Variants in PLCB1 observed in about 807,000 individuals in gnomAD.
The protein encoded by PLCB1 is phospholipase C beta 1.
Under a neutral mutation model 161.8 loss-of-function variants are expected in PLCB1, and 46 were observed. That is an observed-to-expected ratio of 0.28 (90% confidence interval 0.22 to 0.36). The LOEUF (loss-of-function observed/expected upper bound fraction) is 0.36. Ranked by LOEUF, PLCB1 falls within the 10% of genes least tolerant of loss-of-function variation. The pLI is 1.00. For missense variants in PLCB1, 1,016 were observed against 1,472.5 expected, an observed-to-expected ratio of 0.69 and a Z score of 5.07; for synonymous variants, 517 against 503.7, an observed-to-expected ratio of 1.03 and a Z score of -0.35.
chr20:8,808,659 A>G (rs1984661983), intron 31 of PLCB1, among the ~76,000 whole-genome samples: 1 of 152,234 alleles, frequency 6.6e-6, no homozygotes, highest in Admixed American at 6.5e-5. Flanking sequence ...TTGCATAGTG[A>G]TAGATAACAT....
chr20:8,783,524 CAG>C (rs1041759409), intron 27 of PLCB1, among the ~76,000 whole-genome samples: 65 of 152,284 alleles, frequency 4.3e-4, no homozygotes, highest in Middle Eastern at 3.4e-3. Flanking sequence ...AGAGATTAAG[CAG>C]AGTTGTTTTA....
rs79103254 is a variant in PLCB1, at chr20:8,854,890, A to G, written c.3424-26732A>G. 3.0e-3 allele frequency among the ~76,000 whole-genome samples: 462 copies of G among 152,366 alleles called. 3 individuals are homozygous for G. The highest frequency in any genetic ancestry group is 1.0e-2 in the African/African-American group (414 of 41,586). On this transcript the variant is annotated intron_variant, in intron 31 of 31. Coordinates refer to ENST00000338037, the MANE Select transcript of PLCB1 (RefSeq NM_015192.4). ...CGTGCTTCAGCTTAATTTTCCTTGCATAATTTTAAATACAGATCATGTCTA... is the reference window on the plus strand; with the variant it reads ...CGTGCTTCAGCTTAATTTTCCTTGCGTAATTTTAAATACAGATCATGTCTA...
At chr20:8,174,039 G>A (rs1032200510) in intron 2 of PLCB1, among the ~76,000 whole-genome samples, 1 of 152,172 alleles carries the variant, frequency 6.6e-6, no homozygotes, top group South Asian at 2.1e-4. Context: ...TATCACTGGA[G>A]TTGCAGAAGA....
At chr20:8,139,033 T>C (rs1211101372) in intron 1 of PLCB1, among the ~76,000 whole-genome samples, 1 of 150,420 alleles carries the variant, frequency 6.6e-6, no homozygotes, top group Non-Finnish European at 1.5e-5. Flanking sequence ...ATTTTATTTA[T>C]ATTAAAACAG....
intron 31 of PLCB1, among the ~76,000 whole-genome samples, chr20:8,798,095 G>A (rs928805843): frequency 1.1e-4 from 16 of 152,144 alleles, no homozygotes; most frequent in Middle Eastern, 3.4e-3. Context: ...TACCCTGGAG[G>A]CTAAGGTGGG....
At chr20:8,755,817 G>GT (rs1163720120) in intron 23 of PLCB1, among the ~76,000 whole-genome samples, 3 of 152,200 alleles carry the variant, frequency 2.0e-5, no homozygotes, top group African/African-American at 7.2e-5. Flanking sequence ...ACAAAGGTTT[G>GT]TAAAGGATAA....
chr20:8,480,997 G>C (rs6039172), intron 3 of PLCB1, among the ~76,000 whole-genome samples: 33,660 of 151,766 alleles, frequency 0.22, 4,324 homozygotes, highest in African/African-American at 0.35. Context: ...CCACGTACTG[G>C]GGAGGCTGGG....
chr20:8,729,297 T>C (rs1980105479), intron 18 of PLCB1, 123 bp downstream of exon 18: 3 of 861,618 alleles, frequency 3.5e-6, no homozygotes, highest in Non-Finnish European at 5.0e-6. Flanking sequence ...TAAAAGCAAA[T>C]TTCAATGAAG....
chr20:8,788,222 A>G (rs1353384715), intron 27 of PLCB1, among the ~76,000 whole-genome samples: 1 of 152,204 alleles, frequency 6.6e-6, no homozygotes, highest in Non-Finnish European at 1.5e-5. Context: ...AATTCTGTTT[A>G]ATTAAAAAGA....
intron 9 of PLCB1, among the ~76,000 whole-genome samples, chr20:8,670,510 C>T (rs567568005): frequency 3.3e-5 from 5 of 152,302 alleles, no homozygotes; most frequent in African/African-American, 4.8e-5. Context: ...ATTATCACAC[C>T]ATATCTTGGA....
chr20:8,618,731 GCA>G (rs143967166), intron 3 of PLCB1, among the ~76,000 whole-genome samples: 1 of 151,244 alleles, frequency 6.6e-6, no homozygotes, highest in African/African-American at 2.4e-5. Flanking sequence ...CTCAAAAGAA[GCA>G]CACACACACA....
chr20:8,316,904 T>G (rs537777163), intron 2 of PLCB1, among the ~76,000 whole-genome samples: 1 of 152,266 alleles, frequency 6.6e-6, no homozygotes, highest in East Asian at 1.9e-4. Flanking sequence ...AAAAAATTTA[T>G]TTATTTATTA....
At chr20:8,878,100 G>T (rs916912131) in intron 31 of PLCB1, among the ~76,000 whole-genome samples, 8 of 152,232 alleles carry the variant, frequency 5.3e-5, no homozygotes, top group African/African-American at 1.9e-4. Flanking sequence ...TAAAGAAATA[G>T]TACTTATCAA....
At chr20:8,227,768 G>A (rs560204722) in intron 2 of PLCB1, among the ~76,000 whole-genome samples, 2 of 152,224 alleles carry the variant, frequency 1.3e-5, no homozygotes, top group African/African-American at 4.8e-5. Context: ...GCTCGGGAAT[G>A]GTCAATCTGA....
intron 9 of PLCB1, among the ~76,000 whole-genome samples, chr20:8,683,533 A>G (rs1990273396): frequency 6.6e-6 from 1 of 152,306 alleles, no homozygotes; most frequent in South Asian, 2.1e-4. Flanking sequence ...AGATGATCCT[A>G]TGTATCTATG....
chr20:8,523,396 A>ATG (rs1491341309), intron 3 of PLCB1, among the ~76,000 whole-genome samples: 1 of 61,250 alleles, frequency 1.6e-5, no homozygotes, highest in South Asian at 5.7e-4. Context: ...ATCATAACAA[A>ATG]TATGTGTGTG....
chr20:8,859,527 C>A (rs2146311527), intron 31 of PLCB1, among the ~76,000 whole-genome samples: 1 of 152,296 alleles, frequency 6.6e-6, no homozygotes, highest in East Asian at 1.9e-4. Flanking sequence ...AATTGAATAA[C>A]TTTTCCTTCT....
chr20:8,408,601 T>C (rs1978892645), intron 3 of PLCB1, among the ~76,000 whole-genome samples: 1 of 152,170 alleles, frequency 6.6e-6, no homozygotes, highest in Non-Finnish European at 1.5e-5. Flanking sequence ...GCATGGGACA[T>C]ACTGTAAATT....
intron 3 of PLCB1, among the ~76,000 whole-genome samples, chr20:8,386,094 G>A (rs931737644): frequency 1.3e-5 from 2 of 152,080 alleles, no homozygotes; most frequent in East Asian, 1.9e-4. Context: ...AGTCAAAGTC[G>A]TCCATGAGGA....
Sources: gnomAD v4.1 joint callset for allele counts (sites outside exome capture counted in the v4.1 genomes callset) on GRCh38, gnomAD v4.1.1 for gene constraint, MANE v1.5 for transcripts, NCBI Gene and HGNC (gene_info 2026-07-23, HGNC 2026-07-21) for gene names.